CDC73: variants seen among roughly 807,000 people sequenced by gnomAD.
CDC73 encodes the protein cell division cycle 73.
A neutral mutation model predicts 83.7 loss-of-function variants in CDC73; 21 were observed. That is an observed-to-expected ratio of 0.25 (90% CI 0.18 to 0.36). The LOEUF is 0.36. Among genes scored for constraint, CDC73 ranks in the 10% least tolerant of loss-of-function variants. The pLI is 1.00. For missense variants in CDC73, 342 were observed against 653.3 expected, an observed-to-expected ratio of 0.52 and a Z score of 5.19; for synonymous variants, 224 against 212.9, an observed-to-expected ratio of 1.05 and a Z score of -0.45.
chr1:193,182,936 A>G lies in CDC73; in HGVS notation c.973-20859A>G, dbSNP rs559623732. Among the ~76,000 whole-genome samples, 309 of 152,176 alleles carry G rather than the reference A, an allele frequency of 2.0e-3. 1 individual carries two copies. The highest frequency in any genetic ancestry group is 6.9e-3 in the African/African-American group (285 of 41,562). On this transcript the variant is annotated intron_variant, in intron 10 of 16. Transcript: ENST00000367435. ...GAAAATTACTTCTTTAAGCAAAAGA[A>G]ATCAATTAAAAAGTTTTAATACAGG...
At chr1:193,233,621 C>A (rs1677699485) in intron 14 of CDC73, among the ~76,000 whole-genome samples, 2 of 152,138 alleles carry the variant, frequency 1.3e-5, no homozygotes, top group Non-Finnish European at 2.9e-5. Flanking sequence ...AAAATTCTTT[C>A]CACTTGTTCA....
At chr1:193,182,346 T>G (rs1490459230) in intron 10 of CDC73, among the ~76,000 whole-genome samples, 1 of 152,162 alleles carries the variant, frequency 6.6e-6, no homozygotes, top group Non-Finnish European at 1.5e-5. Flanking sequence ...AACTTTTCTT[T>G]GTAAATATGA....
intron 10 of CDC73, among the ~76,000 whole-genome samples, chr1:193,159,611 G>A (rs1048351476): frequency 2.0e-5 from 3 of 151,968 alleles, no homozygotes; most frequent in Admixed American, 6.6e-5. Flanking sequence ...ATCTGCCTGC[G>A]TCAGCCTCCC....
chr1:193,205,673 G>C (rs1479814672), intron 11 of CDC73, among the ~76,000 whole-genome samples: 4 of 152,088 alleles, frequency 2.6e-5, no homozygotes, highest in Non-Finnish European at 2.9e-5. Context: ...ATTTTCAGTA[G>C]GGATGATCAT....
At chr1:193,164,147 C>G (rs1170403673) in intron 10 of CDC73, among the ~76,000 whole-genome samples, 3 of 152,144 alleles carry the variant, frequency 2.0e-5, no homozygotes, top group Non-Finnish European at 4.4e-5. Flanking sequence ...ATATTAGAAA[C>G]CTCTTGTAGA....
rs180711085 is a variant in CDC73, at chr1:193,200,038, G to A, written c.973-3757G>A. On this transcript the variant is annotated intron_variant, in intron 10 of 16. Coordinates refer to ENST00000367435, the MANE Select transcript of CDC73 (RefSeq NM_024529.5). ...GCTCAGGAGTTTGATACCAGCCTGG[G>A]CAACATGGCGAAACCCTGTCTCCAC... Among the ~76,000 whole-genome samples, 342 of 149,022 alleles carry A rather than the reference G, an allele frequency of 2.3e-3. 6 individuals are homozygous for A. The highest frequency in any genetic ancestry group is 0.021 in the Admixed American group (316 of 14,810).
intron 15 of CDC73, among the ~76,000 whole-genome samples, chr1:193,246,440 CTT>C (rs1050373636): frequency 1.3e-5 from 2 of 152,046 alleles, no homozygotes; most frequent in Non-Finnish European, 2.9e-5. Context: ...AACCTGAAGA[CTT>C]TACCAAAAAT....
chr1:193,156,991 A>C lies in CDC73; in HGVS notation c.972+4547A>C, dbSNP rs188065998. 1.1e-3 allele frequency among the ~76,000 whole-genome samples: 173 copies of C among 152,254 alleles called. 2 individuals are homozygous for C. Among genetic ancestry groups the C allele is most frequent in the Non-Finnish European group, 1.6e-3 (109 of 68,002 alleles). On this transcript the variant is annotated intron_variant, in intron 10 of 16. Coordinates refer to ENST00000367435, the MANE Select transcript of CDC73 (RefSeq NM_024529.5). Reference sequence around the variant, plus strand: ...AAAATTGTGACTATGACAAGTGTTAAAGGTACGTTGTGCAACAAGAGCCTA... The same window carrying C: ...AAAATTGTGACTATGACAAGTGTTACAGGTACGTTGTGCAACAAGAGCCTA...
chr1:193,133,762 C>T (rs930610819), intron 3 of CDC73, among the ~76,000 whole-genome samples: 6 of 152,150 alleles, frequency 3.9e-5, no homozygotes, highest in Middle Eastern at 3.4e-3. Flanking sequence ...CACTAATATA[C>T]GAAGGGTCCT....
At chr1:193,153,817 A>G (rs915209177) in intron 10 of CDC73, among the ~76,000 whole-genome samples, 1 of 152,198 alleles carries the variant, frequency 6.6e-6, no homozygotes, top group Admixed American at 6.5e-5. Context: ...AGCTGTGAAT[A>G]AGACAGATGA....
intron 10 of CDC73, chr1:193,181,073 T>C (rs1364767149): frequency 1.2e-6 from 2 of 1,613,958 alleles, no homozygotes; most frequent in East Asian, 4.5e-5. Flanking sequence ...CTAGCTTCTA[T>C]TTGTCCAGGC....
At chr1:193,181,619 T>G (rs760629619) in intron 10 of CDC73, 4 of 1,387,634 alleles carry the variant, frequency 2.9e-6, no homozygotes, top group Non-Finnish European at 3.9e-6. Flanking sequence ...TGTTTTCTTC[T>G]CCTTAATACT....
chr1:193,251,522 CT>C lies in CDC73; in HGVS notation c.*811del, dbSNP rs1678042519. On this transcript the variant is annotated 3_prime_UTR_variant, in exon 17 of 17. Coordinates refer to ENST00000367435, the MANE Select transcript of CDC73 (RefSeq NM_024529.5). ...TGCAGTATAACTTTAAGCTCCTTTT[CT>C]CTTTAGTCCACTTTTGATTGTAATT... is the stretch of plus-strand genomic sequence containing the variant. 1 of 231,946 alleles carries C rather than the reference CT, an allele frequency of 4.3e-6. No homozygotes were observed. The allele number at this position is 231,946 out of a possible 1,614,324, so 14.4% of individuals were successfully genotyped here. A position where few individuals can be genotyped will look rare whatever the true frequency, so the allele number is the denominator to read the frequency against.
At chr1:193,187,079 A>G (rs1307795493) in intron 10 of CDC73, among the ~76,000 whole-genome samples, 1 of 82,198 alleles carries the variant, frequency 1.2e-5, no homozygotes, top group African/African-American at 4.0e-5. Flanking sequence ...TTCTATTGAA[A>G]CCATGTATCT....
chr1:193,179,678 AAAGT>A (rs1259605999), intron 10 of CDC73: 26 of 152,584 alleles, frequency 1.7e-4, no homozygotes, highest in Admixed American at 1.4e-3. Flanking sequence ...TTAATAAAAG[AAAGT>A]ATTAATAAAA....
chr1:193,214,211 C>T (rs1049834142), intron 13 of CDC73, among the ~76,000 whole-genome samples: 4 of 152,120 alleles, frequency 2.6e-5, no homozygotes, highest in African/African-American at 9.7e-5. Context: ...CATTTGTAGC[C>T]GATGACTATT....
chr1:193,126,691 TTAAAA>T (rs1572143837), intron 2 of CDC73, among the ~76,000 whole-genome samples: 1 of 152,228 alleles, frequency 6.6e-6, no homozygotes, highest in Non-Finnish European at 1.5e-5. Flanking sequence ...AAGTATACAC[TTAAAA>T]TTAAGTATGA....
rs369311753 is a variant in CDC73, at chr1:193,251,931, T to G, written c.*1219T>G. On this transcript the variant is annotated 3_prime_UTR_variant, in exon 17 of 17. Coordinates refer to ENST00000367435, the MANE Select transcript of CDC73 (RefSeq NM_024529.5). ...GGAATTTTTGCTGATCACAGTCTTA[T>G]GTCATTTTTTTCTCTGTTTTTATTC... The G allele has an allele frequency of 4.3e-6, 1 of 231,420 alleles. No individual in the cohort carries two copies. Among genetic ancestry groups the G allele is most frequent in the Non-Finnish European group, 8.5e-6 (1 of 116,988 alleles). 14.3% of individuals were successfully genotyped at this position (231,420 alleles called of 1,614,324 possible).
At chr1:193,153,908 A>G (rs1184129947) in intron 10 of CDC73, among the ~76,000 whole-genome samples, 3 of 152,288 alleles carry the variant, frequency 2.0e-5, no homozygotes, top group Admixed American at 6.5e-5. Flanking sequence ...GCATTCCTCT[A>G]CGTCAAGGCA....
Sources: gnomAD v4.1 joint callset for allele counts (sites outside exome capture counted in the v4.1 genomes callset) on GRCh38, gnomAD v4.1.1 for gene constraint, MANE v1.5 for transcripts, NCBI Gene and HGNC (gene_info 2026-07-23, HGNC 2026-07-21) for gene names.